TAFA2: variants seen among roughly 807,000 people sequenced by gnomAD.
TAFA2 encodes TAFA chemokine like family member 2.
Under a neutral mutation model 18.8 loss-of-function variants are expected in TAFA2, and 7 were observed. The observed-to-expected ratio is 0.37, with a 90% CI of 0.21 to 0.70. The LOEUF is 0.70. TAFA2 is among the 30% of genes least tolerant of loss of function. The probability of loss-of-function intolerance (pLI) is 0.53; values close to 1 mark genes in which losing one functional copy is unlikely to be tolerated. For missense variants in TAFA2, 122 were observed against 158.1 expected (o/e 0.77, Z 1.23); for synonymous variants, 60 against 54.2 (o/e 1.11, Z -0.47).
At chr12:62,104,934 G>A (rs1488470536) in intron 1 of TAFA2, 1 of 217,488 alleles carries the variant, frequency 4.6e-6, no homozygotes, top group Non-Finnish European at 9.7e-6. Context: ...GTCCTTGAGG[G>A]GGTAAACTGA....
At chr12:61,929,171 AAAAG>A (rs1328696224) in intron 1 of TAFA2, among the ~76,000 whole-genome samples, 3 of 152,076 alleles carry the variant, frequency 2.0e-5, no homozygotes, top group Non-Finnish European at 4.4e-5. Flanking sequence ...AAAAAAAAAA[AAAAG>A]GAGAAAGGAT....
At chr12:61,868,195 A>T (rs1268676477) in intron 1 of TAFA2, among the ~76,000 whole-genome samples, 2 of 152,174 alleles carry the variant, frequency 1.3e-5, no homozygotes, top group African/African-American at 4.8e-5. Context: ...GCATTCTTTC[A>T]TTTGTTCTGA....
chr12:62,013,274 C>G (rs1880827848), intron 1 of TAFA2, among the ~76,000 whole-genome samples: 1 of 152,060 alleles, frequency 6.6e-6, no homozygotes, highest in Non-Finnish European at 1.5e-5. Context: ...AAGGGCAGCA[C>G]AATAGAAATC....
intron 1 of TAFA2, among the ~76,000 whole-genome samples, chr12:61,932,369 T>TGAGAAAAGAAATCACTCGAGAA (rs1877592681): frequency 6.6e-6 from 1 of 152,044 alleles, no homozygotes; most frequent in South Asian, 2.1e-4. Flanking sequence ...CTCCCAAGAC[T>TGAGAAAAGAAATCACTCGAGAA]GAGAAAAGAA....
At chr12:61,990,347 T>TG (rs1285389089) in intron 1 of TAFA2, among the ~76,000 whole-genome samples, 1 of 146,054 alleles carries the variant, frequency 6.8e-6, no homozygotes, top group African/African-American at 2.5e-5. Flanking sequence ...ATTTTTTTTT[T>TG]TTTTTTTTTT....
At chr12:61,850,743 A>G (rs12811649) in intron 2 of TAFA2, among the ~76,000 whole-genome samples, 43,397 of 151,934 alleles carry the variant, frequency 0.29, 6,879 homozygotes, top group South Asian at 0.4. Context: ...TTCATTTCAT[A>G]GACGAAATTT....
intron 2 of TAFA2, among the ~76,000 whole-genome samples, chr12:61,850,136 A>T (rs1020179328): frequency 1.1e-4 from 16 of 152,012 alleles, no homozygotes; most frequent in African/African-American, 3.9e-4. Context: ...CAGCACATAA[A>T]CCAATATATA....
intron 2 of TAFA2, among the ~76,000 whole-genome samples, chr12:61,814,730 A>G (rs1351356848): frequency 6.6e-6 from 1 of 151,270 alleles, no homozygotes; most frequent in East Asian, 1.9e-4. Flanking sequence ...AGTGGGTCCA[A>G]TGTAATCACA....
chr12:61,759,701 G>C (rs568738949), intron 2 of TAFA2, among the ~76,000 whole-genome samples: 15 of 152,004 alleles, frequency 9.9e-5, no homozygotes, highest in Non-Finnish European at 2.1e-4. Context: ...GTATTAGTCG[G>C]AGAATAAGTC....
At chr12:61,915,482 G>C (rs571895060) in intron 1 of TAFA2, among the ~76,000 whole-genome samples, 1 of 152,300 alleles carries the variant, frequency 6.6e-6, no homozygotes, top group South Asian at 2.1e-4. Context: ...AAGCTATATA[G>C]AGAGATATTT....
intron 4 of TAFA2, among the ~76,000 whole-genome samples, chr12:61,712,225 C>T (rs1869444423): frequency 6.6e-6 from 1 of 152,040 alleles, no homozygotes; most frequent in South Asian, 2.1e-4. Context: ...AGTGACACGT[C>T]CTCTTGATCC....
At chr12:62,096,174 T>C (rs1868940870) in intron 1 of TAFA2, among the ~76,000 whole-genome samples, 1 of 152,110 alleles carries the variant, frequency 6.6e-6, no homozygotes, top group Admixed American at 6.6e-5. Flanking sequence ...GTTTGGACTC[T>C]TAATCTTTAA....
chr12:62,149,023 CAGT>C (rs1431200148), intron 1 of TAFA2, among the ~76,000 whole-genome samples: 1 of 152,170 alleles, frequency 6.6e-6, no homozygotes, highest in African/African-American at 2.4e-5. Flanking sequence ...CTTGCCTAAC[CAGT>C]ACCTCAGCTA....
chr12:62,142,681 A>G (rs1486140601), intron 1 of TAFA2, among the ~76,000 whole-genome samples: 2 of 152,128 alleles, frequency 1.3e-5, no homozygotes, highest in African/African-American at 4.8e-5. Context: ...AAAGTTTCCC[A>G]TGGTATTTGC....
intron 1 of TAFA2, among the ~76,000 whole-genome samples, chr12:61,938,988 A>C (rs1877887935): frequency 6.6e-6 from 1 of 152,070 alleles, no homozygotes; most frequent in African/African-American, 2.4e-5. Flanking sequence ...TGGCGGGTGC[A>C]CCAAAATCTT....
intron 1 of TAFA2, among the ~76,000 whole-genome samples, chr12:62,019,775 A>T (rs1264711576): frequency 6.6e-6 from 1 of 151,988 alleles, no homozygotes; most frequent in Non-Finnish European, 1.5e-5. Flanking sequence ...CATATGTAAC[A>T]AACCTGCACG....
intron 4 of TAFA2, among the ~76,000 whole-genome samples, chr12:61,717,510 G>A (rs1182780661): frequency 6.6e-6 from 1 of 152,136 alleles, no homozygotes; most frequent in Non-Finnish European, 1.5e-5. Context: ...AGATTGGCCT[G>A]AACATTTATT....
At chr12:62,156,018 T>G (rs2062366874) in intron 1 of TAFA2, among the ~76,000 whole-genome samples, 1 of 151,838 alleles carries the variant, frequency 6.6e-6, no homozygotes, top group South Asian at 2.1e-4. Flanking sequence ...ACCCACAGAG[T>G]GGGAGAAAAT....
At chr12:62,020,169 A>G (rs929134088) in intron 1 of TAFA2, among the ~76,000 whole-genome samples, 3 of 152,210 alleles carry the variant, frequency 2.0e-5, no homozygotes, top group African/African-American at 7.2e-5. Context: ...GCCAAGTTCT[A>G]TACTGGTACT....
Sources: gnomAD v4.1 joint callset for allele counts (sites outside exome capture counted in the v4.1 genomes callset) on GRCh38, gnomAD v4.1.1 for gene constraint, MANE v1.5 for transcripts, NCBI Gene and HGNC (gene_info 2026-07-23, HGNC 2026-07-21) for gene names.